Variants in LRP6 observed in about 807,000 individuals in gnomAD.
The protein encoded by LRP6 is LDL receptor related protein 6.
In LRP6, 43 loss-of-function variants were observed where a neutral mutation model predicts 184.1. The observed-to-expected ratio is 0.23, with a 90% CI of 0.18 to 0.30. LRP6 has a LOEUF of 0.30. Ranked by LOEUF, LRP6 falls within the 10% of genes least tolerant of loss-of-function variation. The pLI is 1.00. For missense variants in LRP6, 1,571 were observed against 2,005.3 expected (o/e 0.78, Z 4.14); for synonymous variants, 719 against 684.9 (o/e 1.05, Z -0.78).
intron 1 of LRP6, among the ~76,000 whole-genome samples, chr12:12,256,002 G>A (rs1288889324): frequency 3.3e-5 from 5 of 152,082 alleles, no homozygotes; most frequent in Non-Finnish European, 7.4e-5. Flanking sequence ...AGAAGGCCCA[G>A]GTAAAATAAG....
At chr12:12,128,459 T>C (rs542905096) in intron 19 of LRP6, among the ~76,000 whole-genome samples, 1 of 152,310 alleles carries the variant, frequency 6.6e-6, no homozygotes, top group South Asian at 2.1e-4. Flanking sequence ...AATAAACTAA[T>C]GAGCACCAAA....
intron 17 of LRP6, among the ~76,000 whole-genome samples, chr12:12,134,107 A>T: frequency 6.6e-6 from 1 of 152,166 alleles, no homozygotes; most frequent in South Asian, 2.1e-4. Flanking sequence ...TTTATTTTTT[A>T]AAAAACTTAT....
At chr12:12,210,547 G>T (rs1187113708) in intron 2 of LRP6, among the ~76,000 whole-genome samples, 1 of 152,168 alleles carries the variant, frequency 6.6e-6, no homozygotes, top group African/African-American at 2.4e-5. Flanking sequence ...AAAGAAGTTG[G>T]TCTACAGTAA....
intron 7 of LRP6, among the ~76,000 whole-genome samples, chr12:12,171,843 T>C (rs1051991441): frequency 6.6e-6 from 1 of 152,222 alleles, no homozygotes; most frequent in Non-Finnish European, 1.5e-5. Context: ...AAGTTAACCA[T>C]AGTGAAATAA....
chr12:12,145,953 G>A (rs950354453), intron 15 of LRP6, among the ~76,000 whole-genome samples: 1 of 151,496 alleles, frequency 6.6e-6, no homozygotes, highest in Non-Finnish European at 1.5e-5. Context: ...ATTTCTTAAC[G>A]GTATATATAC....
At chr12:12,128,024 C>A (rs1949697523) in intron 19 of LRP6, among the ~76,000 whole-genome samples, 1 of 152,186 alleles carries the variant, frequency 6.6e-6, no homozygotes, top group Non-Finnish European at 1.5e-5. Context: ...CTTTGCAATG[C>A]CAAGCTTCAG....
Position 12,244,363 on chromosome 12 carries a change from A to G in LRP6, c.348T>C (p.Thr116=), listed in dbSNP as rs777704114. ...GEKLYWTDSE[T]NRIEVSNLDG... The stretch of plus-strand genomic sequence containing the variant: ...CTAAATTAGAAACTTCAATCCGATT[A>G]GTTTCAGAATCTGTCCAGTACAATT... The change falls in exon 2 of 23, where the codon ACT becomes ACC. Residue 116 remains threonine, a synonymous_variant. Coordinates refer to ENST00000261349, the MANE Select transcript of LRP6 (RefSeq NM_002336.3). 6.2e-7 allele frequency: 1 copy of G among 1,614,240 alleles called. No homozygotes were observed. The highest frequency in any genetic ancestry group is 1.1e-5 in the South Asian group (1 of 91,088).
Position 12,124,636 on chromosome 12 carries a change from G to C in LRP6, c.4476C>G (p.Ala1492=). ...PAILNPPPSP[A]TERSHYTMEF... is the part of the protein sequence containing the mutation. ...CCATAGTGTAATGTGATCGCTCTGTGGCTGGGGATGGTGGAGGGTTCAAAA... is the reference window on the plus strand; with the variant it reads ...CCATAGTGTAATGTGATCGCTCTGTCGCTGGGGATGGTGGAGGGTTCAAAA... Residue 1492 remains alanine, a synonymous_variant, in exon 22 of 23, where the codon GCC becomes GCG. Transcript: ENST00000261349. 1 of 1,612,872 alleles carries C rather than the reference G, an allele frequency of 6.2e-7. No homozygotes were observed. The highest frequency in any genetic ancestry group is 1.3e-5 in the African/African-American group (1 of 75,014).
chr12:12,193,790 T>C (rs1031671963), intron 3 of LRP6, among the ~76,000 whole-genome samples: 1 of 152,080 alleles, frequency 6.6e-6, no homozygotes, highest in African/African-American at 2.4e-5. Context: ...AAAAGTTGTA[T>C]CAACTGGTCA....
At chr12:12,175,283 G>T (rs1863143970) in intron 7 of LRP6, among the ~76,000 whole-genome samples, 1 of 152,104 alleles carries the variant, frequency 6.6e-6, no homozygotes. Flanking sequence ...CAGCTACTCG[G>T]GAGGCTGGGG....
Position 12,266,794 on chromosome 12 carries a change from G to T in LRP6, c.-59C>A. 6.9e-7 allele frequency: 1 copy of T among 1,439,502 alleles called. No individual in the cohort carries two copies. Among genetic ancestry groups the T allele is most frequent in the Non-Finnish European group, 9.6e-7 (1 of 1,038,422 alleles). The allele number at this position is 1,439,502 out of a possible 1,614,324, so 89.2% of individuals were successfully genotyped here. A position where few individuals can be genotyped will look rare whatever the true frequency, so the allele number is the denominator to read the frequency against. On this transcript the variant is annotated 5_prime_UTR_variant, in exon 1 of 23. An upstream open reading frame in the 5' UTR gains an earlier in-frame stop. Transcript: ENST00000261349. ...AGGGGTGGCCAGAAGTGGGGGAGGCGAGGAGCCGGGGCGGCCGCCGCAGCG... is the reference window on the plus strand; with the variant it reads ...AGGGGTGGCCAGAAGTGGGGGAGGCTAGGAGCCGGGGCGGCCGCCGCAGCG...
intron 1 of LRP6, chr12:12,249,566 G>C (rs1314650933): frequency 4.2e-6 from 2 of 480,244 alleles, no homozygotes; most frequent in Admixed American, 3.7e-5. Flanking sequence ...ATGTCTTGTA[G>C]ACCTCAAAGT....
At chr12:12,202,460 T>C (rs375433140) in intron 3 of LRP6, among the ~76,000 whole-genome samples, 3 of 152,308 alleles carry the variant, frequency 2.0e-5, no homozygotes, top group East Asian at 3.9e-4. Flanking sequence ...GGAAGATCGC[T>C]TGAGCCCAGG....
chr12:12,250,590 C>T (rs1865301568), intron 1 of LRP6, among the ~76,000 whole-genome samples: 2 of 152,058 alleles, frequency 1.3e-5, no homozygotes, highest in Admixed American at 6.5e-5. Flanking sequence ...CAGTTCACTG[C>T]ACACAGAAAT....
intron 17 of LRP6, among the ~76,000 whole-genome samples, 162 bp downstream of exon 17, chr12:12,135,010 GAGA>G (rs1476293484): frequency 1.3e-5 from 2 of 152,176 alleles, no homozygotes; most frequent in East Asian, 3.8e-4. Flanking sequence ...CAGGGTGGCA[GAGA>G]AGAATAACAG....
intron 2 of LRP6, among the ~76,000 whole-genome samples, chr12:12,210,562 G>A (rs1223783201): frequency 6.6e-6 from 1 of 152,158 alleles, no homozygotes; most frequent in Admixed American, 6.5e-5. Flanking sequence ...CAGTAACAGG[G>A]CAAAATAAAT....
In LRP6 at chr12:12,203,205, AT is replaced by A. The variant is rs1863963405; in HGVS notation, c.644del (p.Asn215IlefsTer16). 6.2e-7 allele frequency: 1 copy of A among 1,603,172 alleles called. No individual in the cohort carries two copies. The highest frequency in any genetic ancestry group is 1.3e-5 in the African/African-American group (1 of 74,166). On this transcript the variant is annotated frameshift_variant, in exon 3 of 23. Coordinates refer to ENST00000261349, the MANE Select transcript of LRP6 (RefSeq NM_002336.3). LOFTEE classifies it high-confidence loss of function. ...TTTTCTAATTCTTGTAATCTTACCG[AT>A]TTGTTCCATCCAGATTTGATTTGTG... is the stretch of plus-strand genomic sequence containing the variant. ...FIHKSNLDGT[N>X]RQAVVKGSLP...
chr12:12,159,140 A>C lies in LRP6; in HGVS notation c.2480T>G (p.Val827Gly). ...AGGATGAGGCAAGTCATCTGCTATA[A>C]CTTCACGGTTGAGCCCTATTTTCAG... Reference protein sequence around the residue: ...SSNMLGLNREVIADDLPHPFG... With the variant: ...SSNMLGLNREGIADDLPHPFG... Residue 827 changes from valine (V) to glycine (G), a missense_variant, in exon 12 of 23, where the codon GTT (valine) becomes GGT (glycine). Transcript: ENST00000261349. The C allele has an allele frequency of 6.2e-7, 1 of 1,614,048 alleles. No individual in the cohort carries two copies. Among genetic ancestry groups the C allele is most frequent in the Non-Finnish European group, 8.5e-7 (1 of 1,179,956 alleles).
In LRP6 at chr12:12,119,082, C is replaced by G. The variant is rs1949557778; in HGVS notation, c.*2044G>C. 1 of 152,186 alleles carries G rather than the reference C, an allele frequency of 6.6e-6. No homozygotes were observed. Among genetic ancestry groups the G allele is most frequent in the South Asian group, 2.1e-4 (1 of 4,836 alleles). 9.4% of individuals were successfully genotyped at this position (152,186 alleles called of 1,614,324 possible). A position where few individuals can be genotyped will look rare whatever the true frequency, so the allele number is the denominator to read the frequency against. ...TGTCTGACACTGTGGGCACTTAGTT[C>G]CAGCAATGGGAAGAGTTCATGCTTG... On this transcript the variant is annotated 3_prime_UTR_variant, in exon 23 of 23. Coordinates refer to ENST00000261349, the MANE Select transcript of LRP6 (RefSeq NM_002336.3).
Sources: gnomAD v4.1 joint callset for allele counts (sites outside exome capture counted in the v4.1 genomes callset) on GRCh38, gnomAD v4.1.1 for gene constraint, MANE v1.5 for transcripts, NCBI Gene and HGNC (gene_info 2026-07-23, HGNC 2026-07-21) for gene names.